Variants in PSD3 observed in about 807,000 individuals in gnomAD.
The protein encoded by PSD3 is PH and SEC7 domain-containing protein 3.
PSD3 carries 49 observed loss-of-function variants against 105.5 expected under a neutral mutation model. The observed-to-expected ratio is 0.46, with a 90% CI of 0.37 to 0.59. The LOEUF (loss-of-function observed/expected upper bound fraction) is 0.59, where lower values mean the gene tolerates loss of function less well. PSD3 is among the 20% of genes least tolerant of loss of function. The pLI, the probability that PSD3 is intolerant of heterozygous loss-of-function variation, is 0.00. For synonymous variants in PSD3, 557 were observed against 457.8 expected (o/e 1.22, Z -2.77); for missense variants, 1,561 against 1,263.8 (o/e 1.24, Z -3.57).
At chr8:18,773,479 A>G (rs1807742858) in intron 8 of PSD3, among the ~76,000 whole-genome samples, 1 of 152,122 alleles carries the variant, frequency 6.6e-6, no homozygotes, top group Non-Finnish European at 1.5e-5. Flanking sequence ...GAACTCTCAT[A>G]TGATTTTTAG....
chr8:18,939,993 T>G (rs990062595), intron 1 of PSD3: 1 of 152,180 alleles, frequency 6.6e-6, no homozygotes, highest in African/African-American at 2.4e-5. Flanking sequence ...TGAGTCATGA[T>G]TAAAAGTGTA....
intron 1 of PSD3, among the ~76,000 whole-genome samples, chr8:18,943,422 A>C (rs1822677508): frequency 6.6e-6 from 1 of 152,226 alleles, no homozygotes. Context: ...TAAAAGCACA[A>C]ACCCACAGGA....
At chr8:18,557,016 C>A (rs1435671802) in intron 14 of PSD3, among the ~76,000 whole-genome samples, 1 of 152,176 alleles carries the variant, frequency 6.6e-6, no homozygotes, top group Non-Finnish European at 1.5e-5. Context: ...TTATAGGTAC[C>A]GTGTACCAAT....
chr8:18,868,252 T>C (rs1010686045), intron 3 of PSD3, among the ~76,000 whole-genome samples, 183 bp from the exon 4 acceptor site: 2 of 152,182 alleles, frequency 1.3e-5, no homozygotes, highest in Non-Finnish European at 2.9e-5. Context: ...TTGGCATGCA[T>C]GTGGCTAGGA....
At chr8:18,710,671 T>C (rs932694209) in intron 9 of PSD3, among the ~76,000 whole-genome samples, 5 of 151,898 alleles carry the variant, frequency 3.3e-5, no homozygotes, top group East Asian at 1.9e-4. Context: ...CCAGAAGAGA[T>C]TGGGGGCCAA....
rs573984422 is a variant in PSD3, at chr8:18,561,279, A to C, written c.2785-4927T>G. Among the ~76,000 whole-genome samples, 7 of 152,330 alleles carry C rather than the reference A, an allele frequency of 4.6e-5. No homozygotes were observed. In the South Asian group the frequency reaches 1.5e-3, roughly 32 times the overall value. ...AAAATGTGGTATATATACACAATGG[A>C]GTATTATTTATTCACCCTTAAAAAA... On this transcript the variant is annotated intron_variant, in intron 14 of 15. Transcript: ENST00000327040.
intron 1 of PSD3, among the ~76,000 whole-genome samples, chr8:19,074,601 ATATATATATAT>A (rs1829389079): frequency 3.6e-5 from 2 of 54,808 alleles, no homozygotes; most frequent in African/African-American, 1.1e-4. Context: ...ACATATATAT[ATATATATATAT>A]TTTTTTTTTT....
chr8:18,669,310 G>A (rs1241961121), intron 9 of PSD3, among the ~76,000 whole-genome samples: 4 of 152,164 alleles, frequency 2.6e-5, no homozygotes, highest in Admixed American at 2.6e-4. Context: ...AACCACGAAT[G>A]GGACCAAACC....
intron 12 of PSD3, among the ~76,000 whole-genome samples, chr8:18,575,619 A>G (rs1197741338): frequency 1.3e-5 from 2 of 152,212 alleles, no homozygotes; most frequent in Non-Finnish European, 2.9e-5. Context: ...ATGAACAGAA[A>G]TGAGACTTGG....
chr8:19,057,217 C>G (rs891523820), intron 1 of PSD3, among the ~76,000 whole-genome samples: 13 of 152,162 alleles, frequency 8.5e-5, no homozygotes, highest in Non-Finnish European at 2.9e-5. Flanking sequence ...TGTTCATAAT[C>G]AAATTTGAAC....
chr8:18,593,503 G>C (rs1372423137), intron 12 of PSD3, among the ~76,000 whole-genome samples: 1 of 152,106 alleles, frequency 6.6e-6, no homozygotes, highest in African/African-American at 2.4e-5. Context: ...TGGAGAAATA[G>C]GAACACTTTT....
At chr8:18,622,230 TTAAAA>T in intron 11 of PSD3, among the ~76,000 whole-genome samples, 2 of 152,358 alleles carry the variant, frequency 1.3e-5, no homozygotes, top group East Asian at 3.9e-4. Context: ...AAGAATGTGA[TTAAAA>T]TATTTTAAAA....
At chr8:18,563,811 G>T (rs1164554756) in intron 14 of PSD3, among the ~76,000 whole-genome samples, 1 of 152,164 alleles carries the variant, frequency 6.6e-6, no homozygotes, top group Non-Finnish European at 1.5e-5. Context: ...AAGGGTAAGT[G>T]ACATAATTAG....
intron 11 of PSD3, among the ~76,000 whole-genome samples, chr8:18,625,370 A>G (rs1304873542): frequency 2.6e-5 from 4 of 152,126 alleles, no homozygotes; most frequent in African/African-American, 7.2e-5. Flanking sequence ...ATTATCTTGG[A>G]AAATGTCAAC....
intron 2 of PSD3, among the ~76,000 whole-genome samples, chr8:18,902,455 T>A (rs1383054843): frequency 1.3e-5 from 2 of 152,252 alleles, no homozygotes; most frequent in South Asian, 4.1e-4. Context: ...CATAAAATTA[T>A]TACTTTGAAT....
intron 4 of PSD3, among the ~76,000 whole-genome samples, chr8:18,831,537 C>T (rs200632908): frequency 3.9e-5 from 6 of 152,090 alleles, no homozygotes; most frequent in African/African-American, 1.2e-4. Context: ...GCCTGGCCAA[C>T]ATGGTGAAAC....
intron 2 of PSD3, among the ~76,000 whole-genome samples, chr8:18,916,711 T>G (rs1232990055): frequency 1.3e-5 from 2 of 152,054 alleles, no homozygotes; most frequent in Non-Finnish European, 2.9e-5. Context: ...TGAAAATTGC[T>G]AAAGGAGTAG....
intron 8 of PSD3, among the ~76,000 whole-genome samples, chr8:18,782,179 T>C (rs1808700091): frequency 2.0e-5 from 3 of 152,164 alleles, no homozygotes; most frequent in South Asian, 2.1e-4. Flanking sequence ...TTTTTTAATA[T>C]TGGCATCTGT....
rs573469704 is a variant in PSD3 at position 18,983,021 on chromosome 8, G to C, written c.21+30542C>G. Among the ~76,000 whole-genome samples, 6 of 152,324 alleles carry C rather than the reference G, an allele frequency of 3.9e-5. No individual in the cohort carries two copies. In the East Asian group the frequency reaches 1.2e-3, roughly 29 times the overall value. On this transcript the variant is annotated intron_variant, in intron 1 of 15. Coordinates refer to ENST00000327040, the MANE Select transcript of PSD3 (RefSeq NM_015310.4). Reference sequence around the variant, plus strand: ...AATAGAAGGCTGTTTTGTCTACATTGAAACTGTGATGTTTAGCATAGCCTC... The same window carrying C: ...AATAGAAGGCTGTTTTGTCTACATTCAAACTGTGATGTTTAGCATAGCCTC...
Sources: gnomAD v4.1 joint callset for allele counts (sites outside exome capture counted in the v4.1 genomes callset) on GRCh38, gnomAD v4.1.1 for gene constraint, MANE v1.5 for transcripts, NCBI Gene and HGNC (gene_info 2026-07-23, HGNC 2026-07-21) for gene names.